Variants in CACNB2 observed in about 807,000 individuals in gnomAD.
The protein encoded by CACNB2 is voltage-dependent L-type calcium channel subunit beta-2.
CACNB2 carries 42 observed loss-of-function variants against 73.3 expected under a neutral mutation model. The ratio of observed to expected loss-of-function variants is 0.57; its 90% CI spans 0.45 to 0.74. The LOEUF (loss-of-function observed/expected upper bound fraction) is 0.74, where lower values mean the gene tolerates loss of function less well. Ranked by LOEUF, CACNB2 falls within the 30% of genes least tolerant of loss-of-function variation. The pLI is 0.00. For synonymous variants in CACNB2, 348 were observed against 310.3 expected (o/e 1.12, Z -1.28); for missense variants, 940 against 853.0 (o/e 1.10, Z -1.27).
chr10:18,326,411 T>A (rs555787296), intron 2 of CACNB2, among the ~76,000 whole-genome samples: 14 of 152,346 alleles, frequency 9.2e-5, no homozygotes, highest in Admixed American at 2.6e-4. Context: ...GTTCTGCTCT[T>A]TTTTGGTAAC....
At chr10:18,527,850 C>A (rs565330284) in intron 10 of CACNB2, among the ~76,000 whole-genome samples, 153 bp downstream of exon 10, 4 of 152,186 alleles carry the variant, frequency 2.6e-5, no homozygotes, top group Admixed American at 6.5e-5. Context: ...TTACTGATTT[C>A]ATGGTGTGGA....
chr10:18,196,216 A>G (rs1564335033), intron 2 of CACNB2, among the ~76,000 whole-genome samples: 1 of 150,802 alleles, frequency 6.6e-6, no homozygotes, highest in African/African-American at 2.4e-5. Context: ...TGTACCCACT[A>G]TGTGGCTTCA....
intron 1 of CACNB2, among the ~76,000 whole-genome samples, chr10:18,149,808 C>T (rs538616899): frequency 1.3e-5 from 2 of 152,284 alleles, no homozygotes; most frequent in South Asian, 2.1e-4. Context: ...ATCTTCCAAC[C>T]CCTGTATAGG....
chr10:18,528,182 G>C (rs2052663835), intron 10 of CACNB2, among the ~76,000 whole-genome samples: 2 of 152,174 alleles, frequency 1.3e-5, no homozygotes, highest in African/African-American at 4.8e-5. Flanking sequence ...TCTCAGGAGA[G>C]TGTAATTTGT....
intron 2 of CACNB2, among the ~76,000 whole-genome samples, chr10:18,353,029 A>G (rs2041773320): frequency 6.6e-6 from 1 of 152,222 alleles, no homozygotes; most frequent in African/African-American, 2.4e-5. Flanking sequence ...AATGAAAGAA[A>G]TCTTTTATTA....
intron 1 of CACNB2, among the ~76,000 whole-genome samples, chr10:18,146,978 G>A (rs1473922738): frequency 6.6e-6 from 1 of 152,170 alleles, no homozygotes; most frequent in East Asian, 1.9e-4. Flanking sequence ...TAGGAGAAGT[G>A]TCACAATAAC....
At chr10:18,405,626 G>A (rs931788007) in intron 3 of CACNB2, among the ~76,000 whole-genome samples, 2 of 152,118 alleles carry the variant, frequency 1.3e-5, no homozygotes, top group African/African-American at 4.8e-5. Context: ...GGGACTCTGA[G>A]TTGGGAAATC....
At chr10:18,264,416 T>C (rs2037696237) in intron 2 of CACNB2, among the ~76,000 whole-genome samples, 1 of 152,292 alleles carries the variant, frequency 6.6e-6, no homozygotes, top group South Asian at 2.1e-4. Flanking sequence ...ATATAAGCAT[T>C]GAGCTTGAAG....
At chr10:18,460,981 G>C (rs1394217683) in intron 3 of CACNB2, among the ~76,000 whole-genome samples, 4 of 152,048 alleles carry the variant, frequency 2.6e-5, no homozygotes, top group Non-Finnish European at 2.9e-5. Flanking sequence ...CCAAGCTGGA[G>C]GGCAATGGCG....
At chr10:18,417,366 T>A (rs2045043648) in intron 3 of CACNB2, among the ~76,000 whole-genome samples, 1 of 101,170 alleles carries the variant, frequency 9.9e-6, no homozygotes, top group African/African-American at 2.9e-5. Context: ...AATTCTTTTT[T>A]TTTTTTTTTT....
At chr10:18,176,346 C>T (rs902689863) in intron 2 of CACNB2, among the ~76,000 whole-genome samples, 2 of 151,930 alleles carry the variant, frequency 1.3e-5, no homozygotes. Flanking sequence ...GTAAAATGTG[C>T]ACATGATGTA....
At chr10:18,434,370 GAA>G (rs1037623915) in intron 3 of CACNB2, among the ~76,000 whole-genome samples, 1 of 152,120 alleles carries the variant, frequency 6.6e-6, no homozygotes, top group Non-Finnish European at 1.5e-5. Flanking sequence ...TAAAGTCAGA[GAA>G]ACCTGCCAGT....
At chr10:18,491,126 C>G (rs556423415) in intron 3 of CACNB2, among the ~76,000 whole-genome samples, 11 of 152,276 alleles carry the variant, frequency 7.2e-5, no homozygotes, top group African/African-American at 2.6e-4. Context: ...TCTTCTTTAC[C>G]TTAAGGAGAA....
At chr10:18,412,715 C>T (rs754330107) in intron 3 of CACNB2, among the ~76,000 whole-genome samples, 3 of 152,338 alleles carry the variant, frequency 2.0e-5, no homozygotes, top group South Asian at 4.1e-4. Context: ...TCTTCTGTTT[C>T]GACTTTTAGT....
rs547582018 is a variant in CACNB2, at chr10:18,309,396, G to A, written c.214-92528G>A. The stretch of plus-strand genomic sequence containing the variant: ...ACATGAGAACACAGGTGGTTGGGTC[G>A]GGGCTGCATGGTGCAGTTCAGGTCT... On this transcript the variant is annotated intron_variant, in intron 2 of 13. Coordinates refer to ENST00000324631, the MANE Select transcript of CACNB2 (RefSeq NM_201596.3). Among the ~76,000 whole-genome samples, 11 of 152,260 alleles carry A rather than the reference G, an allele frequency of 7.2e-5. No individual in the cohort carries two copies. The South Asian group carries it at 2.1e-3, about 29-fold the overall frequency.
chr10:18,142,399 A>G lies in CACNB2; in HGVS notation c.120+1543A>G, dbSNP rs545684856. 3.3e-5 allele frequency among the ~76,000 whole-genome samples: 5 copies of G among 152,308 alleles called. No individual in the cohort carries two copies. The South Asian group carries it at 6.2e-4, about 19-fold the overall frequency. On this transcript the variant is annotated intron_variant, in intron 1 of 13. Coordinates refer to ENST00000324631, the MANE Select transcript of CACNB2 (RefSeq NM_201596.3). The stretch of plus-strand genomic sequence containing the variant: ...ATCTGGCCTCTGCCAGAGGATCTGA[A>G]TTTTAACCAATAGAGTTTGCATTTG...
At chr10:18,534,267 T>G (rs2053342529) in intron 11 of CACNB2, 40 bp downstream of exon 11, 1 of 1,531,902 alleles carries the variant, frequency 6.5e-7, no homozygotes. Context: ...AATCAAACTT[T>G]CCTAAAATGT....
intron 1 of CACNB2, among the ~76,000 whole-genome samples, chr10:18,146,021 A>G (rs1004393506): frequency 1.3e-5 from 2 of 151,950 alleles, no homozygotes; most frequent in African/African-American, 4.8e-5. Context: ...AACTCTATTT[A>G]TGCAGGCTCC....
chr10:18,259,890 G>A (rs2037460678), intron 2 of CACNB2, among the ~76,000 whole-genome samples: 1 of 152,154 alleles, frequency 6.6e-6, no homozygotes, highest in Admixed American at 6.5e-5. Flanking sequence ...AGCTTGGGCA[G>A]TAGAGTAAGA....
Sources: allele counts gnomAD v4.1 joint callset (sites outside exome capture counted in the v4.1 genomes callset), GRCh38; gene constraint gnomAD v4.1.1; transcripts MANE v1.5; gene names NCBI Gene and HGNC (gene_info 2026-07-23, HGNC 2026-07-21).